Variants in MTDH observed in about 807,000 individuals in gnomAD.
MTDH encodes protein LYRIC.
In MTDH, 34 loss-of-function variants were observed where a neutral mutation model predicts 72.7. The observed-to-expected ratio is 0.47, with a 90% CI of 0.36 to 0.62. The LOEUF (loss-of-function observed/expected upper bound fraction) is 0.62, where lower values mean the gene tolerates loss of function less well. Among genes scored for constraint, MTDH ranks in the 20% least tolerant of loss-of-function variants. The pLI, the probability that MTDH is intolerant of heterozygous loss-of-function variation, is 0.00. For missense variants in MTDH, 677 were observed against 699.4 expected (o/e 0.97, Z 0.36); for synonymous variants, 266 against 268.9 (o/e 0.99, Z 0.10).
At position 97,719,054 on chromosome 8, in the gene MTDH, A is replaced by C. The variant is rs776687329; in HGVS notation, c.1386A>C (p.Thr462=). ...QGEDNSTAQD[T]EELEKEIRED... The stretch of plus-strand genomic sequence containing the variant: ...TAGGTTATTTTTCTCTATAGGACAC[A>C]GAAGAATTAGAAAAAGAGATTAGAG... Residue 462 remains threonine, a synonymous_variant, in exon 10 of 12, where the codon ACA becomes ACC. Transcript: ENST00000336273. The C allele has an allele frequency of 6.2e-7, 1 of 1,601,446 alleles. No homozygotes were observed. Among genetic ancestry groups the C allele is most frequent in the Non-Finnish European group, 8.5e-7 (1 of 1,174,434 alleles).
intron 2 of MTDH, among the ~76,000 whole-genome samples, chr8:97,671,035 G>A (rs1364011787): frequency 1.4e-5 from 2 of 140,648 alleles, no homozygotes; most frequent in East Asian, 2.2e-4. Context: ...GCGCAATCTC[G>A]GCTCACTGCA....
intron 6 of MTDH, among the ~76,000 whole-genome samples, chr8:97,697,150 A>ATATATATATATATATTTTTTTTTTTTT: frequency 5.8e-5 from 4 of 68,786 alleles, no homozygotes; most frequent in Admixed American, 1.6e-4. Flanking sequence ...ATATATATAT[A>ATATATATATATATATTTTTTTTTTTTT]TTTTTTTTTT....
intron 2 of MTDH, among the ~76,000 whole-genome samples, chr8:97,683,026 CCT>C (rs1287851297): frequency 7.3e-6 from 1 of 137,576 alleles, no homozygotes; most frequent in Non-Finnish European, 1.5e-5. Context: ...ACCACTTTAC[CCT>C]ATGATGCTCT....
intron 7 of MTDH, among the ~76,000 whole-genome samples, chr8:97,705,242 AGCCGAGATCGT>A (rs1814301271): frequency 6.6e-6 from 1 of 150,992 alleles, no homozygotes; most frequent in Non-Finnish European, 1.5e-5. Context: ...GGTTGCAGTG[AGCCGAGATCGT>A]GCCACTGCAC....
chr8:97,697,150 A>ATATATTTTTTTTTT, intron 6 of MTDH, among the ~76,000 whole-genome samples: 3 of 68,796 alleles, frequency 4.4e-5, no homozygotes, highest in African/African-American at 2.7e-4. Context: ...ATATATATAT[A>ATATATTTTTTTTTT]TTTTTTTTTT....
intron 6 of MTDH, chr8:97,696,159 C>A (rs1313150926): frequency 3.9e-6 from 3 of 764,388 alleles, no homozygotes; most frequent in Non-Finnish European, 4.8e-6. Context: ...TCTTTCAAGT[C>A]TGATGCAAGT....
intron 7 of MTDH, among the ~76,000 whole-genome samples, chr8:97,703,683 A>G (rs1043801455): frequency 2.0e-5 from 3 of 152,360 alleles, no homozygotes; most frequent in Admixed American, 1.3e-4. Flanking sequence ...ATTGAAGTAT[A>G]TCTTACATAT....
chr8:97,653,612 C>CAACA lies in MTDH; in HGVS notation c.382-7458_382-7455dup, dbSNP rs140116301. On this transcript the variant is annotated intron_variant, in intron 1 of 11. Coordinates refer to ENST00000336273, the MANE Select transcript of MTDH (RefSeq NM_178812.4). ...TTGTGCCCATCTTAGATACCAAGAA[C>CAACA]AACAATAAACCCTATGAACATTCAT... Among the ~76,000 whole-genome samples the CAACA allele has an allele frequency of 7.7e-3, 1,171 of 152,264 alleles. 15 individuals are homozygous for CAACA. The highest frequency in any genetic ancestry group is 0.026 in the African/African-American group (1,095 of 41,546).
chr8:97,695,444 C>T (rs939685464), intron 6 of MTDH, among the ~76,000 whole-genome samples: 2 of 152,094 alleles, frequency 1.3e-5, no homozygotes, highest in African/African-American at 4.8e-5. Context: ...TATAGCATTT[C>T]ATAATTAGGA....
At chr8:97,647,531 A>G (rs1811613213) in intron 1 of MTDH, among the ~76,000 whole-genome samples, 2 of 152,082 alleles carry the variant, frequency 1.3e-5, no homozygotes, top group South Asian at 4.2e-4. Context: ...CCTGTCTAAA[A>G]AAAGGGGGGA....
chr8:97,645,304 A>T (rs774462552), intron 1 of MTDH, among the ~76,000 whole-genome samples: 1 of 152,222 alleles, frequency 6.6e-6, no homozygotes, highest in East Asian at 1.9e-4. Context: ...ACAGATGTCT[A>T]TCTCAAGTCA....
chr8:97,727,306 C>T lies in MTDH; in HGVS notation c.*2636C>T, dbSNP rs2468005. ...CCTGAGGTCAGGAGTTTGAGACCAG[C>T]CTGGCCAATATGGTGAAACCCCATC... is the stretch of plus-strand genomic sequence containing the variant. On this transcript the variant is annotated 3_prime_UTR_variant, in exon 12 of 12. Coordinates refer to ENST00000336273, the MANE Select transcript of MTDH (RefSeq NM_178812.4). 0.093 allele frequency: 14,110 copies of T among 151,622 alleles called. 917 individuals are homozygous for T. Among genetic ancestry groups the T allele is most frequent in the East Asian group, 0.25 (1,248 of 5,082 alleles). 9.4% of individuals were successfully genotyped at this position (151,622 alleles called of 1,614,324 possible).
chr8:97,680,258 GAC>G (rs1210358183), intron 2 of MTDH, among the ~76,000 whole-genome samples: 1 of 152,022 alleles, frequency 6.6e-6, no homozygotes, highest in Non-Finnish European at 1.5e-5. Flanking sequence ...TTTTTGTAGA[GAC>G]ACAGTTTTGC....
intron 1 of MTDH, among the ~76,000 whole-genome samples, chr8:97,646,798 CTGTA>C (rs1213439970): frequency 6.6e-6 from 1 of 152,188 alleles, no homozygotes; most frequent in Non-Finnish European, 1.5e-5. Context: ...AATGGGAAGA[CTGTA>C]TGGCTGAATG....
chr8:97,683,034 G>T (rs1388834074), intron 2 of MTDH, among the ~76,000 whole-genome samples: 1 of 112,092 alleles, frequency 8.9e-6, no homozygotes, highest in African/African-American at 3.3e-5. Flanking sequence ...ACCCTATGAT[G>T]CTCTTAGACA....
At chr8:97,649,899 C>T (rs1370259407) in intron 1 of MTDH, among the ~76,000 whole-genome samples, 1 of 151,920 alleles carries the variant, frequency 6.6e-6, no homozygotes, top group African/African-American at 2.4e-5. Context: ...CCACTGCCCC[C>T]GGCCATTATT....
chr8:97,691,167 C>T lies in MTDH; in HGVS notation c.1027C>T (p.Arg343Cys), dbSNP rs749672535. ...AGACTGGGGAAGGAGTTGGAGTGACCGTTCAATATTTTCTGGCATTGGTAA... is the reference window on the plus strand; with the variant it reads ...AGACTGGGGAAGGAGTTGGAGTGACTGTTCAATATTTTCTGGCATTGGTAA... ...GKDWGRSWSD[R>C]SIFSGIGSTA... Residue 343 changes from arginine to cysteine, a missense_variant, in exon 6 of 12, where the codon CGT becomes TGT. Coordinates refer to ENST00000336273, the MANE Select transcript of MTDH (RefSeq NM_178812.4). 1.9e-5 allele frequency: 31 copies of T among 1,602,456 alleles called. No homozygotes were observed. Among genetic ancestry groups the T allele is most frequent in the South Asian group, 4.5e-5 (4 of 89,124 alleles).
At position 97,691,121 on chromosome 8, in the gene MTDH, A is replaced by G. The variant is rs749941860; in HGVS notation, c.981A>G (p.Gly327=). ...TEPSAWSQDT[G]DANTNGKDWG... is the part of the protein sequence containing the mutation. ...CATCTGCCTGGAGTCAAGACACTGG[A>G]GATGCTAATACAAATGGAAAAGACT... Residue 327 remains glycine, a synonymous_variant, in exon 6 of 12, where the codon GGA becomes GGG. Coordinates refer to ENST00000336273, the MANE Select transcript of MTDH (RefSeq NM_178812.4). 3.1e-6 allele frequency: 5 copies of G among 1,614,152 alleles called. No homozygotes were observed. The highest frequency in any genetic ancestry group is 4.2e-6 in the Non-Finnish European group (5 of 1,179,984).
Position 97,689,037 on chromosome 8 carries a change from G to C in MTDH, c.746-1G>C, listed in dbSNP as rs371438835. 2 of 1,529,210 alleles carry C rather than the reference G, an allele frequency of 1.3e-6. No individual in the cohort carries two copies. Among genetic ancestry groups the C allele is most frequent in the Non-Finnish European group, 1.8e-6 (2 of 1,113,886 alleles). The allele number at this position is 1,529,210 out of a possible 1,614,324, so 94.7% of individuals were successfully genotyped here. ...ATAAATTTTATTTCTATTTTAACCA[G>C]GTGATTCTCATCTAAATGTTCAAGT... On this transcript the variant is annotated splice_acceptor_variant, in intron 4 of 11. Coordinates refer to ENST00000336273, the MANE Select transcript of MTDH (RefSeq NM_178812.4). LOFTEE classifies it high-confidence loss of function.
Sources: allele counts gnomAD v4.1 joint callset (sites outside exome capture counted in the v4.1 genomes callset), GRCh38; gene constraint gnomAD v4.1.1; transcripts MANE v1.5; gene names NCBI Gene and HGNC (gene_info 2026-07-23, HGNC 2026-07-21).